The following CD300LF variants were observed in gnomAD, a reference collection of about 807,000 sequenced individuals.
CD300LF encodes CMRF35-like molecule 1.
In CD300LF, 27 loss-of-function variants were observed where a neutral mutation model predicts 32.2. That is an observed-to-expected ratio of 0.84 (90% CI 0.62 to 1.15). CD300LF has a LOEUF of 1.15. Ranked by LOEUF, CD300LF falls within the 50% of genes most tolerant of loss-of-function variation. The pLI is 0.00. For missense variants in CD300LF, 348 were observed against 356.8 expected (o/e 0.98, Z 0.20); for synonymous variants, 139 against 143.2 (o/e 0.97, Z 0.21).
At position 74,711,236 on chromosome 17, in the gene CD300LF, T is replaced by C. The variant is rs541782344; in HGVS notation, c.43+1588A>G. Among the ~76,000 whole-genome samples, 5 of 152,218 alleles carry C rather than the reference T, an allele frequency of 3.3e-5. No homozygotes were observed. In the East Asian group the frequency reaches 7.7e-4, roughly 24 times the overall value. On this transcript the variant is annotated intron_variant, in intron 1 of 6. Transcript: ENST00000326165. The stretch of plus-strand genomic sequence containing the variant: ...GGTTCACAGTGGTATCCGGGCTCCA[T>C]GTTGGCGCCCATAGCTGTGCCTGCT...
rs770092761 is a variant in CD300LF at position 74,695,082 on chromosome 17, G to A, written c.*14C>T. 1.9e-6 allele frequency: 3 copies of A among 1,609,782 alleles called. No homozygotes were observed. Among genetic ancestry groups the A allele is most frequent in the East Asian group, 2.2e-5 (1 of 44,832 alleles). On this transcript the variant is annotated 3_prime_UTR_variant, in exon 7 of 7. Coordinates refer to ENST00000326165, the MANE Select transcript of CD300LF (RefSeq NM_139018.5). ...CTCACAGCCTGGGGTCCAAGAAGGA[G>A]CCTGGAGTGCAGGCTAAGGCCTGCT...
At chr17:74,701,572 T>A (rs1021281320) in intron 3 of CD300LF, among the ~76,000 whole-genome samples, 4 of 151,978 alleles carry the variant, frequency 2.6e-5, no homozygotes, top group Non-Finnish European at 5.9e-5. Context: ...AAAAGAAAAA[T>A]AGGGACAAAG....
At chr17:74,710,729 C>T (rs1346996576) in intron 1 of CD300LF, among the ~76,000 whole-genome samples, 2 of 151,314 alleles carry the variant, frequency 1.3e-5, no homozygotes, top group African/African-American at 4.9e-5. Context: ...AATAGCCAGG[C>T]ATGCTGGCAC....
Position 74,695,075 on chromosome 17 carries a change from A to G in CD300LF, c.*21T>C. On this transcript the variant is annotated 3_prime_UTR_variant, in exon 7 of 7. Transcript: ENST00000326165. ...GAGTGTGCTCACAGCCTGGGGTCCA[A>G]GAAGGAGCCTGGAGTGCAGGCTAAG... is the stretch of plus-strand genomic sequence containing the variant. 6.2e-7 allele frequency: 1 copy of G among 1,606,026 alleles called. No homozygotes were observed.
intron 6 of CD300LF, 87 bp from the exon 7 acceptor site, chr17:74,695,338 G>T (rs1483701334): frequency 2.9e-5 from 43 of 1,505,692 alleles, no homozygotes; most frequent in Non-Finnish European, 3.8e-5. Flanking sequence ...GGATAGTGGG[G>T]ATGGACCATT....
At chr17:74,703,856 C>T (rs1220019074) in intron 2 of CD300LF, among the ~76,000 whole-genome samples, 5 of 152,202 alleles carry the variant, frequency 3.3e-5, no homozygotes, top group African/African-American at 1.2e-4. Context: ...CCTGAGCTAA[C>T]GCTCCCAGGA....
At chr17:74,696,274 C>T (rs1490936462) in intron 4 of CD300LF, 57 bp from the exon 5 acceptor site, 5 of 1,552,196 alleles carry the variant, frequency 3.2e-6, no homozygotes, top group South Asian at 1.2e-5. Flanking sequence ...CTCACAAGAA[C>T]CCCCAGGTCT....
intron 2 of CD300LF, 112 bp downstream of exon 2, chr17:74,704,366 C>T: frequency 8.7e-6 from 7 of 802,178 alleles, no homozygotes; most frequent in Admixed American, 7.6e-5. Context: ...CTATGAGACT[C>T]GGGACTCAAG....
chr17:74,707,211 G>C (rs1373879146), intron 1 of CD300LF, among the ~76,000 whole-genome samples: 1 of 152,170 alleles, frequency 6.6e-6, no homozygotes, highest in Non-Finnish European at 1.5e-5. Flanking sequence ...TACAGAGTGA[G>C]AGAAAATATT....
In CD300LF at chr17:74,696,201, T is replaced by C. The variant is rs778545190; in HGVS notation, c.576A>G (p.Pro192=). ...KYQQKAAGMS[P]EQVLQPLEGD... is the part of the protein sequence containing the mutation. ...ACCTTGGGGGCTATCTTACCTGCTC[T>C]GGGGACATCCCGGCTGCTAAAAGAC... Residue 192 remains proline (P), a synonymous_variant, in exon 5 of 7, where the codon CCA becomes CCG. Coordinates refer to ENST00000326165, the MANE Select transcript of CD300LF (RefSeq NM_139018.5). The C allele has an allele frequency of 2.5e-6, 4 of 1,607,634 alleles. No individual in the cohort carries two copies. In the South Asian group the frequency reaches 4.4e-5, roughly 18 times the overall value.
At chr17:74,697,914 G>T (rs2032653453) in intron 4 of CD300LF, among the ~76,000 whole-genome samples, 1 of 152,158 alleles carries the variant, frequency 6.6e-6, no homozygotes. Flanking sequence ...CATGCAGTGT[G>T]TGTGCCCATG....
rs902295187 is a variant in CD300LF at position 74,704,552 on chromosome 17, G to A, written c.308C>T (p.Ala103Val). ...CTCAATTCCACACCAGTAAGTGTCA[G>A]CATCAGTTTTCATGAGATCCTCCAT... ...VTMEDLMKTDADTYWCGIEKT... is the reference protein window; with the variant it reads ...VTMEDLMKTDVDTYWCGIEKT... Residue 103 changes from alanine (A) to valine (V), a missense_variant, in exon 2 of 7, where the codon GCT (alanine) becomes GTT (valine). Coordinates refer to ENST00000326165, the MANE Select transcript of CD300LF (RefSeq NM_139018.5). The A allele has an allele frequency of 3.1e-6, 5 of 1,614,044 alleles. No individual in the cohort carries two copies. Among genetic ancestry groups the A allele is most frequent in the South Asian group, 1.1e-5 (1 of 91,094 alleles).
rs35583593 is a variant in CD300LF at position 74,706,282 on chromosome 17, A to AAT, written c.44-1468_44-1467dup. Among the ~76,000 whole-genome samples, 609 of 145,128 alleles carry AAT rather than the reference A, an allele frequency of 4.2e-3. 2 individuals are homozygous for AAT. Among genetic ancestry groups the AAT allele is most frequent in the Middle Eastern group, 0.014 (4 of 284 alleles). On this transcript the variant is annotated intron_variant, in intron 1 of 6. Transcript: ENST00000326165. ...AAAAAACATTTTAAAGGAAAAAAAAAATATATATATATATATATCCCAAAG... is the reference window on the plus strand; with the variant it reads ...AAAAAACATTTTAAAGGAAAAAAAAAATATATATATATATATATATCCCAAAG...
intron 4 of CD300LF, among the ~76,000 whole-genome samples, chr17:74,697,232 C>G (rs551815758): frequency 1.3e-5 from 2 of 152,166 alleles, no homozygotes; most frequent in Non-Finnish European, 2.9e-5. Flanking sequence ...GCATGAGCCA[C>G]GACACCCAGA....
At chr17:74,711,910 T>C (rs1481967335) in intron 1 of CD300LF, among the ~76,000 whole-genome samples, 1 of 148,350 alleles carries the variant, frequency 6.7e-6, no homozygotes, top group South Asian at 2.1e-4. Flanking sequence ...TTTTTTCTTT[T>C]TTTTTTTTTT....
intron 3 of CD300LF, among the ~76,000 whole-genome samples, chr17:74,699,884 T>C (rs1203540344): frequency 2.6e-5 from 4 of 152,102 alleles, no homozygotes; most frequent in Non-Finnish European, 4.4e-5. Context: ...CTCATACCTG[T>C]AATCCCAGCA....
chr17:74,698,552 C>T lies in CD300LF; in HGVS notation c.447-71G>A, dbSNP rs570897185. ...GCCTCTCAGCCCAATCCCACCCACC[C>T]AGCAGCAGGGGAGGGCCACACACCT... On this transcript the variant is annotated intron_variant, in intron 3 of 6. Coordinates refer to ENST00000326165, the MANE Select transcript of CD300LF (RefSeq NM_139018.5). 6.4e-5 allele frequency: 98 copies of T among 1,542,408 alleles called. No individual in the cohort carries two copies. In the South Asian group the frequency reaches 1.0e-3, roughly 16 times the overall value.
intron 1 of CD300LF, among the ~76,000 whole-genome samples, chr17:74,708,671 T>C (rs978740085): frequency 1.1e-4 from 16 of 151,952 alleles, no homozygotes; most frequent in Non-Finnish European, 1.9e-4. Context: ...AATCCCAGCA[T>C]TTTGGGAGGC....
rs2033367861 is a variant in CD300LF, at chr17:74,704,715, A to G, written c.145T>C (p.Tyr49His). The G allele has an allele frequency of 1.2e-6, 2 of 1,614,200 alleles. No homozygotes were observed. Among genetic ancestry groups the G allele is most frequent in the Non-Finnish European group, 1.7e-6 (2 of 1,180,040 alleles). Residue 49 changes from tyrosine (Y) to histidine (H), a missense_variant, in exon 2 of 7, where the codon TAC becomes CAC. Transcript: ENST00000326165. ...QCVYRSGWET[Y>H]LKWWCRGAIW... ...GCTCCTCGACACCACCACTTCAAGTAGGTCTCCCAGCCTGATCTGTAAACA... is the reference window on the plus strand; with the variant it reads ...GCTCCTCGACACCACCACTTCAAGTGGGTCTCCCAGCCTGATCTGTAAACA...
Sources: allele counts gnomAD v4.1 joint callset (sites outside exome capture counted in the v4.1 genomes callset), GRCh38; gene constraint gnomAD v4.1.1; transcripts MANE v1.5; gene names NCBI Gene and HGNC (gene_info 2026-07-23, HGNC 2026-07-21).